The following MICU2 variants were observed in gnomAD, a reference collection of about 807,000 sequenced individuals.
MICU2 encodes mitochondrial calcium uptake 2.
MICU2 carries 64 observed loss-of-function variants against 60.4 expected under a neutral mutation model. That is an observed-to-expected ratio of 1.06 (90% confidence interval 0.87 to 1.31). The LOEUF (loss-of-function observed/expected upper bound fraction) is 1.31, where lower values mean the gene tolerates loss of function less well. Among genes scored for constraint, MICU2 ranks in the 50% most tolerant of loss-of-function variants. The pLI is 0.00. For missense variants in MICU2, 569 were observed against 531.0 expected, an observed-to-expected ratio of 1.07 and a Z score of -0.70; for synonymous variants, 201 against 175.0, an observed-to-expected ratio of 1.15 and a Z score of -1.17.
intron 8 of MICU2, 79 bp from the exon 9 acceptor site, chr13:21,503,176 C>T: frequency 9.8e-7 from 1 of 1,022,136 alleles, no homozygotes; most frequent in Non-Finnish European, 1.4e-6. Context: ...TGCAAAGTAC[C>T]TTCACTATTA....
At chr13:21,570,390 G>T (rs1888080795) in intron 1 of MICU2, among the ~76,000 whole-genome samples, 1 of 152,104 alleles carries the variant, frequency 6.6e-6, no homozygotes, top group Non-Finnish European at 1.5e-5. Context: ...AGATTAATTT[G>T]CCAATGCCAT....
At chr13:21,579,388 T>G (rs113364080) in intron 1 of MICU2, among the ~76,000 whole-genome samples, 1 of 151,740 alleles carries the variant, frequency 6.6e-6, no homozygotes, top group East Asian at 1.9e-4. Flanking sequence ...TTGCCCAGAT[T>G]GGAGTGCAAT....
Position 21,498,369 on chromosome 13 carries a change from C to CTTTTTTT in MICU2, c.934-2216_934-2210dup, listed in dbSNP as rs34890922. Among the ~76,000 whole-genome samples the CTTTTTTT allele has an allele frequency of 9.2e-4, 72 of 78,568 alleles. 4 individuals carry two copies. Among genetic ancestry groups the CTTTTTTT allele is most frequent in the East Asian group, 6.5e-3 (11 of 1,698 alleles). 51.5% of individuals were successfully genotyped at this position (78,568 alleles called of 152,430 possible). On this transcript the variant is annotated intron_variant, in intron 9 of 11. Coordinates refer to ENST00000382374, the MANE Select transcript of MICU2 (RefSeq NM_152726.3). Reference sequence around the variant, plus strand: ...TGTCTCCATCCAGAAATATCCTATTCTTTTTTTTTTTTTTTTTTTTTTTTT... The same window carrying CTTTTTTT: ...TGTCTCCATCCAGAAATATCCTATTCTTTTTTTTTTTTTTTTTTTTTTTTTTTTTTTT...
At chr13:21,538,490 A>G (rs546026002) in intron 4 of MICU2, among the ~76,000 whole-genome samples, 1 of 143,528 alleles carries the variant, frequency 7.0e-6, no homozygotes, top group Admixed American at 7.4e-5. Context: ...CTTGAGTCCC[A>G]GAGTTTGACG....
intron 6 of MICU2, among the ~76,000 whole-genome samples, chr13:21,518,893 T>C (rs1886646899): frequency 6.6e-6 from 1 of 152,174 alleles, no homozygotes; most frequent in African/African-American, 2.4e-5. Flanking sequence ...TATCTACTGC[T>C]ACCAGTTTTG....
chr13:21,581,651 A>G (rs1888350798), intron 1 of MICU2, among the ~76,000 whole-genome samples: 1 of 152,224 alleles, frequency 6.6e-6, no homozygotes, highest in Non-Finnish European at 1.5e-5. Context: ...AGTGCACGTT[A>G]GAATAATGTA....
intron 6 of MICU2, among the ~76,000 whole-genome samples, chr13:21,519,901 C>A (rs1886674687): frequency 6.6e-6 from 1 of 152,200 alleles, no homozygotes; most frequent in Non-Finnish European, 1.5e-5. Context: ...CTTTCAGGAT[C>A]ATGCACCGGA....
chr13:21,507,359 T>A (rs139576447), intron 8 of MICU2, among the ~76,000 whole-genome samples: 166 of 152,292 alleles, frequency 1.1e-3, no homozygotes, highest in African/African-American at 3.8e-3. Context: ...TCTCTGTGAA[T>A]ACAGTTTGAA....
intron 4 of MICU2, among the ~76,000 whole-genome samples, chr13:21,533,550 CCT>C (rs969447488): frequency 5.3e-5 from 8 of 151,846 alleles, no homozygotes; most frequent in Non-Finnish European, 8.8e-5. Context: ...GTCTCGATCC[CCT>C]GACCTCGTGA....
chr13:21,539,242 T>C, intron 4 of MICU2, 60 bp downstream of exon 4: 1 of 1,412,734 alleles, frequency 7.1e-7, no homozygotes, highest in Non-Finnish European at 1.0e-6. Flanking sequence ...CTTAATTCCT[T>C]AATAATACTT....
intron 9 of MICU2, among the ~76,000 whole-genome samples, chr13:21,502,242 T>C (rs1256480606): frequency 6.6e-6 from 1 of 152,120 alleles, no homozygotes; most frequent in Non-Finnish European, 1.5e-5. Context: ...TTTCTTACAA[T>C]AGAAGTAACT....
chr13:21,590,737 C>A (rs1368381800), intron 1 of MICU2, among the ~76,000 whole-genome samples: 1 of 152,172 alleles, frequency 6.6e-6, no homozygotes, highest in Non-Finnish European at 1.5e-5. Context: ...TGTCCGTAGT[C>A]CCAGCTACTC....
intron 4 of MICU2, 42 bp from the exon 5 acceptor site, chr13:21,522,692 GT>G (rs2138167634): frequency 6.9e-7 from 1 of 1,443,714 alleles, no homozygotes. Context: ...GCTTTAGATG[GT>G]TTAGAATATA....
chr13:21,535,479 A>G (rs1282698761), intron 4 of MICU2, among the ~76,000 whole-genome samples: 1 of 152,218 alleles, frequency 6.6e-6, no homozygotes, highest in Non-Finnish European at 1.5e-5. Flanking sequence ...CTCTGATCTA[A>G]ATATTGGTAC....
chr13:21,530,850 G>A, intron 4 of MICU2: 1 of 733,060 alleles, frequency 1.4e-6, no homozygotes, highest in Non-Finnish European at 2.5e-6. Flanking sequence ...ACGGGTTTCT[G>A]AGCCTGGACT....
At position 21,566,761 on chromosome 13, in the gene MICU2, ATTTT is replaced by A. The variant is rs764302608; in HGVS notation, c.358+32_358+35del. Reference sequence around the variant, plus strand: ...ACAGGTTTTTCAGCCCTGAAGTCTGATTTTTTTAATTAAAAAAAAAAAAGACCCA... The same window carrying A: ...ACAGGTTTTTCAGCCCTGAAGTCTGATTTAATTAAAAAAAAAAAAGACCCA... On this transcript the variant is annotated intron_variant, in intron 2 of 11. Coordinates refer to ENST00000382374, the MANE Select transcript of MICU2 (RefSeq NM_152726.3). 2.0e-6 allele frequency: 3 copies of A among 1,499,098 alleles called. No homozygotes were observed. In the African/African-American group the frequency reaches 4.4e-5, roughly 22 times the overall value. 92.9% of individuals were successfully genotyped at this position (1,499,098 alleles called of 1,614,324 possible).
intron 1 of MICU2, chr13:21,602,703 AAAT>A (rs1244721963): frequency 6.6e-6 from 1 of 152,226 alleles, no homozygotes; most frequent in Non-Finnish European, 1.5e-5. Flanking sequence ...ATGTTAATAC[AAAT>A]AAGGAATATC....
At position 21,603,953 on chromosome 13, in the gene MICU2, TAA is replaced by T. The variant is rs1566175623; in HGVS notation, c.194_195del (p.Phe65TyrfsTer9). ...TAGTCCTGTACCTGTGCGGAGACTGTAAAACTGCCATCCCGCGCCGCAACACT... is the reference window on the plus strand; with the variant it reads ...TAGTCCTGTACCTGTGCGGAGACTGTAACTGCCATCCCGCGCCGCAACACT... ...RVSVAARDGSFTVSAQKNVEH... is the reference protein window; with the variant it reads ...RVSVAARDGSXTVSAQKNVEH... On this transcript the variant is annotated frameshift_variant, in exon 1 of 12. Transcript: ENST00000382374. LOFTEE classifies it high-confidence loss of function. 2 of 1,612,388 alleles carry T rather than the reference TAA, an allele frequency of 1.2e-6. No homozygotes were observed. The highest frequency in any genetic ancestry group is 3.3e-5 in the Admixed American group (2 of 59,976).
intron 5 of MICU2, among the ~76,000 whole-genome samples, chr13:21,522,065 A>T (rs1235489529): frequency 6.6e-6 from 1 of 152,238 alleles, no homozygotes; most frequent in Non-Finnish European, 1.5e-5. Flanking sequence ...TAATGTTAAC[A>T]TCTTACATAA....
Sources: gnomAD v4.1 joint callset for allele counts (sites outside exome capture counted in the v4.1 genomes callset) on GRCh38, gnomAD v4.1.1 for gene constraint, MANE v1.5 for transcripts, NCBI Gene and HGNC (gene_info 2026-07-23, HGNC 2026-07-21) for gene names.